FRMPD1: variants seen among roughly 807,000 people sequenced by gnomAD.
FRMPD1 encodes FERM and PDZ domain containing 1, also known as FERM and PDZ domain-containing protein 1.
A neutral mutation model predicts 117.8 loss-of-function variants in FRMPD1; 76 were observed. The observed-to-expected ratio is 0.65, with a 90% CI of 0.54 to 0.78. The LOEUF (loss-of-function observed/expected upper bound fraction) is 0.78. FRMPD1 is among the 30% of genes least tolerant of loss of function. FRMPD1 has a pLI of 0.00. For synonymous variants in FRMPD1, 783 were observed against 770.4 expected (o/e 1.02, Z -0.27); for missense variants, 1,786 against 1,964.5 (o/e 0.91, Z 1.72).
intron 1 of FRMPD1, among the ~76,000 whole-genome samples, chr9:37,681,324 G>A (rs1821725147): frequency 6.6e-6 from 1 of 152,116 alleles, no homozygotes; most frequent in African/African-American, 2.4e-5. Flanking sequence ...AAATATCAGG[G>A]CCTGTGTTAC....
the FRMPD1 span, among the ~76,000 whole-genome samples, chr9:37,606,765 G>A: frequency 6.6e-6 from 1 of 152,200 alleles, no homozygotes; most frequent in Non-Finnish European, 1.5e-5. Context: ...GCTCAGTTCA[G>A]AATGATCAGT....
the FRMPD1 span, among the ~76,000 whole-genome samples, chr9:37,612,763 A>C: frequency 6.6e-6 from 1 of 152,184 alleles, no homozygotes; most frequent in Non-Finnish European, 1.5e-5. Flanking sequence ...AAGTGTTGGG[A>C]TTACAGGCAT....
the FRMPD1 span, among the ~76,000 whole-genome samples, chr9:37,638,026 C>CTTTCTTTCTTTCTT: frequency 2.1e-5 from 1 of 47,332 alleles, no homozygotes; most frequent in African/African-American, 8.2e-5. Flanking sequence ...CTTTCTTTCT[C>CTTTCTTTCTTTCTT]TCTCTTTCTT....
At chr9:37,625,016 G>C in the FRMPD1 span, among the ~76,000 whole-genome samples, 1 of 152,180 alleles carries the variant, frequency 6.6e-6, no homozygotes, top group Admixed American at 6.5e-5. Context: ...TAAAGTAGTT[G>C]AGAAATATTT....
chr9:37,723,774 C>A (rs893757801), intron 6 of FRMPD1, among the ~76,000 whole-genome samples: 2 of 151,868 alleles, frequency 1.3e-5, no homozygotes, highest in Admixed American at 6.6e-5. Context: ...GGGTGGATCA[C>A]CTGAGGTCAG....
At chr9:37,687,826 T>C (rs1457851764) in intron 1 of FRMPD1, among the ~76,000 whole-genome samples, 4 of 152,250 alleles carry the variant, frequency 2.6e-5, no homozygotes, top group African/African-American at 9.6e-5. Context: ...TGAAAAATGT[T>C]GAGCTGTGCT....
intron 1 of FRMPD1, among the ~76,000 whole-genome samples, chr9:37,661,010 C>T (rs1185239827): frequency 6.6e-6 from 1 of 152,214 alleles, no homozygotes; most frequent in Non-Finnish European, 1.5e-5. Context: ...CTGTGTTTCT[C>T]CATCTTATAT....
chr9:37,724,365 T>C, intron 7 of FRMPD1, 45 bp downstream of exon 7: 1 of 1,055,684 alleles, frequency 9.5e-7, no homozygotes, highest in Non-Finnish European at 1.5e-6. Flanking sequence ...AAGAATGTTC[T>C]GGCTGCTAGG....
chr9:37,737,291 C>G (rs778812065), intron 14 of FRMPD1, 48 bp downstream of exon 14: 2 of 1,583,420 alleles, frequency 1.3e-6, no homozygotes, highest in Admixed American at 3.4e-5. Flanking sequence ...CTTTCACTGG[C>G]CTTGTAGGTA....
intron 1 of FRMPD1, among the ~76,000 whole-genome samples, chr9:37,689,713 G>A (rs898400739): frequency 2.0e-5 from 3 of 152,172 alleles, no homozygotes; most frequent in Admixed American, 6.5e-5. Context: ...GAAAGGATGT[G>A]TGAAAGGTAA....
At chr9:37,627,121 CAT>C in the FRMPD1 span, among the ~76,000 whole-genome samples, 2 of 152,230 alleles carry the variant, frequency 1.3e-5, no homozygotes, top group African/African-American at 2.4e-5. Context: ...CCTGCAGAAG[CAT>C]AGTCTTTTCA....
At chr9:37,679,062 T>C (rs1821632189) in intron 1 of FRMPD1, among the ~76,000 whole-genome samples, 1 of 152,194 alleles carries the variant, frequency 6.6e-6, no homozygotes, top group Non-Finnish European at 1.5e-5. Flanking sequence ...CATGCAGCCC[T>C]CTCTCATGGT....
the FRMPD1 span, among the ~76,000 whole-genome samples, chr9:37,624,883 C>T: frequency 2.0e-5 from 3 of 152,184 alleles, no homozygotes; most frequent in Non-Finnish European, 4.4e-5. Context: ...AACACATACA[C>T]CCTTTCTCTT....
At chr9:37,689,931 T>G (rs1207582114) in intron 1 of FRMPD1, among the ~76,000 whole-genome samples, 1 of 152,200 alleles carries the variant, frequency 6.6e-6, no homozygotes, top group African/African-American at 2.4e-5. Flanking sequence ...TCTGGAAGTT[T>G]AGAAGATATT....
At chr9:37,664,436 A>C (rs906558253) in intron 1 of FRMPD1, among the ~76,000 whole-genome samples, 3 of 152,088 alleles carry the variant, frequency 2.0e-5, no homozygotes, top group Non-Finnish European at 1.5e-5. Context: ...TAAGCCCCAC[A>C]TGCATTAGCT....
the FRMPD1 span, among the ~76,000 whole-genome samples, chr9:37,629,968 AC>A: frequency 2.0e-5 from 3 of 152,040 alleles, no homozygotes; most frequent in Non-Finnish European, 2.9e-5. Flanking sequence ...TCTGGTGAGG[AC>A]CTTTTTCTGG....
chr9:37,680,203 A>G (rs1240943929), intron 1 of FRMPD1, among the ~76,000 whole-genome samples: 1 of 152,142 alleles, frequency 6.6e-6, no homozygotes, highest in African/African-American at 2.4e-5. Flanking sequence ...GCTAGATAAG[A>G]GGCTAAGCCC....
intron 5 of FRMPD1, among the ~76,000 whole-genome samples, chr9:37,711,945 A>G (rs1822924008): frequency 6.6e-6 from 1 of 152,210 alleles, no homozygotes; most frequent in South Asian, 2.1e-4. Context: ...TAGGGAAAGT[A>G]TATAATCAAA....
At chr9:37,614,676 A>C in the FRMPD1 span, among the ~76,000 whole-genome samples, 35 of 152,360 alleles carry the variant, frequency 2.3e-4, no homozygotes, top group East Asian at 6.7e-3. Context: ...GCTAATGTAC[A>C]TAACCAGGAT....
Sources: gnomAD v4.1 joint callset for allele counts (sites outside exome capture counted in the v4.1 genomes callset) on GRCh38, gnomAD v4.1.1 for gene constraint, MANE v1.5 for transcripts, NCBI Gene and HGNC (gene_info 2026-07-23, HGNC 2026-07-21) for gene names.